PRKD1: variants seen among roughly 807,000 people sequenced by gnomAD.
PRKD1 encodes protein kinase D1.
Under a neutral mutation model 95.9 loss-of-function variants are expected in PRKD1, and 63 were observed. The observed-to-expected ratio is 0.66, with a 90% CI of 0.54 to 0.81. The LOEUF is 0.81. Among genes scored for constraint, PRKD1 ranks in the 30% least tolerant of loss-of-function variants. The probability of loss-of-function intolerance (pLI) is 0.00; values close to 1 mark genes in which losing one functional copy is unlikely to be tolerated. For synonymous variants in PRKD1, 425 were observed against 423.1 expected, an observed-to-expected ratio of 1.00 and a Z score of -0.05; for missense variants, 1,048 against 1,165.3, an observed-to-expected ratio of 0.90 and a Z score of 1.47.
intron 13 of PRKD1, among the ~76,000 whole-genome samples, chr14:29,614,803 C>A (rs1357184902): frequency 6.6e-6 from 1 of 150,986 alleles, no homozygotes; most frequent in Non-Finnish European, 1.5e-5. Flanking sequence ...GGTTCTCGTG[C>A]TTCAACCTCC....
intron 4 of PRKD1, among the ~76,000 whole-genome samples, chr14:29,641,901 T>C (rs1273154187): frequency 7.4e-6 from 1 of 135,856 alleles, no homozygotes; most frequent in Non-Finnish European, 1.5e-5. Flanking sequence ...AATATTTCTT[T>C]TTTTTTTTTT....
At chr14:29,856,120 T>C (rs760370997) in intron 1 of PRKD1, among the ~76,000 whole-genome samples, 17 of 152,268 alleles carry the variant, frequency 1.1e-4, no homozygotes, top group Non-Finnish European at 2.1e-4. Context: ...TTGCATCCGA[T>C]ACCTCACATC....
chr14:29,889,307 G>C (rs1298815523), intron 1 of PRKD1, among the ~76,000 whole-genome samples: 1 of 152,200 alleles, frequency 6.6e-6, no homozygotes, highest in Non-Finnish European at 1.5e-5. Context: ...TTCCCAGCGA[G>C]ATTGACGCAG....
intron 2 of PRKD1, among the ~76,000 whole-genome samples, chr14:29,719,903 GGAAAA>G (rs1885803354): frequency 6.6e-6 from 1 of 151,744 alleles, no homozygotes; most frequent in Non-Finnish European, 1.5e-5. Flanking sequence ...CTCAGAGAGG[GGAAAA>G]AGTATTCCGT....
chr14:29,914,187 T>C (rs1283358089), intron 1 of PRKD1, among the ~76,000 whole-genome samples: 1 of 152,194 alleles, frequency 6.6e-6, no homozygotes, highest in African/African-American at 2.4e-5. Flanking sequence ...GTACAATTAG[T>C]CTACGAGGGA....
At chr14:29,918,152 C>A (rs1482598336) in intron 1 of PRKD1, among the ~76,000 whole-genome samples, 1 of 151,950 alleles carries the variant, frequency 6.6e-6, no homozygotes, top group African/African-American at 2.4e-5. Flanking sequence ...AGATGATGGA[C>A]ATGTTAATTA....
chr14:29,903,501 G>A (rs1894392309), intron 1 of PRKD1, among the ~76,000 whole-genome samples: 1 of 152,094 alleles, frequency 6.6e-6, no homozygotes, highest in Non-Finnish European at 1.5e-5. Flanking sequence ...GTTAAATAGA[G>A]AACCACATGC....
chr14:29,777,022 G>T (rs1407347567), intron 1 of PRKD1, among the ~76,000 whole-genome samples: 1 of 152,176 alleles, frequency 6.6e-6, no homozygotes, highest in Non-Finnish European at 1.5e-5. Flanking sequence ...TTTCAACTCA[G>T]AATTTCATAT....
At chr14:29,784,147 A>G (rs140770280) in intron 1 of PRKD1, among the ~76,000 whole-genome samples, 4 of 152,312 alleles carry the variant, frequency 2.6e-5, no homozygotes, top group Non-Finnish European at 5.9e-5. Flanking sequence ...GACTTTCTAT[A>G]TGGTGAAAGA....
chr14:29,736,317 T>C (rs1361268097), intron 1 of PRKD1, among the ~76,000 whole-genome samples: 1 of 152,196 alleles, frequency 6.6e-6, no homozygotes, highest in East Asian at 1.9e-4. Context: ...ATAGAAACTA[T>C]ATACAATAAA....
At chr14:29,790,657 A>C (rs184845104) in intron 1 of PRKD1, among the ~76,000 whole-genome samples, 187 of 152,296 alleles carry the variant, frequency 1.2e-3, no homozygotes, top group African/African-American at 4.3e-3. Context: ...TAAACTATAC[A>C]TCCTTCTAAA....
At chr14:29,621,203 G>A (rs558630069) in intron 13 of PRKD1, among the ~76,000 whole-genome samples, 3 of 132,774 alleles carry the variant, frequency 2.3e-5, no homozygotes, top group Non-Finnish European at 4.8e-5. Context: ...GGGATGGGGG[G>A]AGGGGGGAGG....
chr14:29,746,799 G>C (rs1184645898), intron 1 of PRKD1, among the ~76,000 whole-genome samples: 1 of 152,054 alleles, frequency 6.6e-6, no homozygotes, highest in Non-Finnish European at 1.5e-5. Context: ...ACCAACATTA[G>C]AATATAACTT....
intron 13 of PRKD1, among the ~76,000 whole-genome samples, chr14:29,600,990 A>G (rs893970211): frequency 6.6e-6 from 1 of 152,130 alleles, no homozygotes; most frequent in Admixed American, 6.6e-5. Flanking sequence ...AACAAAAACC[A>G]CCTAAACAAA....
At chr14:29,608,731 G>A (rs976762308) in intron 13 of PRKD1, among the ~76,000 whole-genome samples, 2 of 152,172 alleles carry the variant, frequency 1.3e-5, no homozygotes, top group African/African-American at 2.4e-5. Context: ...GGGAAAGGCT[G>A]TGTGTTATAT....
chr14:29,784,615 T>A (rs1889186958), intron 1 of PRKD1, among the ~76,000 whole-genome samples: 2 of 152,202 alleles, frequency 1.3e-5, no homozygotes, highest in African/African-American at 2.4e-5. Context: ...CACTTCGAGA[T>A]CTGAGAGACC....
Position 29,861,997 on chromosome 14 carries a change from C to T in PRKD1, c.264+65252G>A, listed in dbSNP as rs139342473. ...TTCATTCTAACTATTCTTTTGTACC[C>T]ATTAACTGTCCCAGCCTCCCTTCTG... On this transcript the variant is annotated intron_variant, in intron 1 of 17. Coordinates refer to ENST00000331968, the MANE Select transcript of PRKD1 (RefSeq NM_002742.3). Among the ~76,000 whole-genome samples, 1,038 of 152,192 alleles carry T rather than the reference C, an allele frequency of 6.8e-3. 6 individuals carry two copies. The highest frequency in any genetic ancestry group is 0.01 in the Non-Finnish European group (710 of 67,992).
intron 1 of PRKD1, among the ~76,000 whole-genome samples, chr14:29,815,800 A>G (rs1348713140): frequency 1.3e-5 from 2 of 152,212 alleles, no homozygotes; most frequent in Non-Finnish European, 2.9e-5. Flanking sequence ...AATGGCATTT[A>G]TGTCGACCAG....
At chr14:29,738,709 C>T (rs1886842390) in intron 1 of PRKD1, among the ~76,000 whole-genome samples, 1 of 152,162 alleles carries the variant, frequency 6.6e-6, no homozygotes, top group African/African-American at 2.4e-5. Flanking sequence ...ACACTAGCAC[C>T]TGCAATCACG....
Sources: gnomAD v4.1 joint callset for allele counts (sites outside exome capture counted in the v4.1 genomes callset) on GRCh38, gnomAD v4.1.1 for gene constraint, MANE v1.5 for transcripts, NCBI Gene and HGNC (gene_info 2026-07-23, HGNC 2026-07-21) for gene names.